PLSCR4: variants seen among roughly 807,000 people sequenced by gnomAD.
PLSCR4 encodes Ca(2+)-dependent phospholipid scramblase 4.
Under a neutral mutation model 36.3 loss-of-function variants are expected in PLSCR4, and 25 were observed. The observed-to-expected ratio is 0.69, with a 90% CI of 0.50 to 0.96. The LOEUF is 0.96. Ranked by LOEUF, PLSCR4 falls within the 40% of genes least tolerant of loss-of-function variation. The pLI is 0.00. For synonymous variants in PLSCR4, 122 were observed against 132.9 expected (o/e 0.92, Z 0.56); for missense variants, 408 against 414.7 (o/e 0.98, Z 0.14).
At chr3:146,204,661 C>T (rs1280047356) in intron 4 of PLSCR4, among the ~76,000 whole-genome samples, 2 of 151,692 alleles carry the variant, frequency 1.3e-5, no homozygotes, top group Non-Finnish European at 2.9e-5. Context: ...TTAAATTAAC[C>T]TCTGTCAGAA....
intron 1 of PLSCR4, among the ~76,000 whole-genome samples, chr3:146,242,197 T>G (rs2036176835): frequency 1.3e-5 from 2 of 152,236 alleles, no homozygotes; most frequent in Non-Finnish European, 2.9e-5. Flanking sequence ...CTGCCCATGT[T>G]GCTCGGTGGA....
intron 1 of PLSCR4, among the ~76,000 whole-genome samples, chr3:146,230,922 A>C (rs1231332319): frequency 6.6e-6 from 1 of 151,688 alleles, no homozygotes; most frequent in Non-Finnish European, 1.5e-5. Context: ...AACATGGCTA[A>C]ATTACGTGTC....
chr3:146,242,305 A>T (rs1055179808), intron 1 of PLSCR4, among the ~76,000 whole-genome samples: 4 of 152,156 alleles, frequency 2.6e-5, no homozygotes, highest in African/African-American at 9.7e-5. Flanking sequence ...TTTTCTTTTA[A>T]GAGTTTCACA....
At chr3:146,223,805 A>G (rs2035291951) in intron 1 of PLSCR4, 2 of 148,382 alleles carry the variant, frequency 1.3e-5, no homozygotes, top group South Asian at 4.2e-4. Flanking sequence ...AATATATTTT[A>G]AAACATATAT....
intron 4 of PLSCR4, among the ~76,000 whole-genome samples, chr3:146,204,406 G>A (rs2034209796): frequency 6.6e-6 from 1 of 151,918 alleles, no homozygotes; most frequent in Non-Finnish European, 1.5e-5. Flanking sequence ...TAGGCACATT[G>A]TGACCCTTAT....
chr3:146,241,556 A>G (rs2036150604), intron 1 of PLSCR4, among the ~76,000 whole-genome samples: 2 of 152,172 alleles, frequency 1.3e-5, no homozygotes, highest in Admixed American at 1.3e-4. Flanking sequence ...AAAAATAAAG[A>G]GAAATCCACA....
At position 146,194,067 on chromosome 3, in the gene PLSCR4, TA is replaced by T; in HGVS notation, c.*343del. 5.3e-6 allele frequency: 1 copy of T among 188,724 alleles called. No individual in the cohort carries two copies. The highest frequency in any genetic ancestry group is 1.1e-5 in the Non-Finnish European group (1 of 92,670). 11.7% of individuals were successfully genotyped at this position (188,724 alleles called of 1,614,324 possible). On this transcript the variant is annotated 3_prime_UTR_variant, in exon 9 of 9. Transcript: ENST00000354952. ...TATTTTATGCCAACAAAGTCTGCTCTAAAAAGCCTTATTGTTTCACTACCTA... is the reference window on the plus strand; with the variant it reads ...TATTTTATGCCAACAAAGTCTGCTCTAAAAGCCTTATTGTTTCACTACCTA...
chr3:146,199,154 T>G (rs1376570508), intron 6 of PLSCR4, among the ~76,000 whole-genome samples: 1 of 152,168 alleles, frequency 6.6e-6, no homozygotes, highest in Non-Finnish European at 1.5e-5. Context: ...ATAAGAACAC[T>G]AAGGCTCAAA....
chr3:146,245,895 A>G (rs1018731883), intron 1 of PLSCR4, among the ~76,000 whole-genome samples: 1 of 152,132 alleles, frequency 6.6e-6, no homozygotes, highest in African/African-American at 2.4e-5. Flanking sequence ...TCCTCTTTAT[A>G]GACTTTAAGC....
intron 4 of PLSCR4, among the ~76,000 whole-genome samples, chr3:146,203,420 C>T (rs910028390): frequency 6.6e-6 from 1 of 151,946 alleles, no homozygotes; most frequent in Non-Finnish European, 1.5e-5. Context: ...TCACGTCAGG[C>T]GTTGACTTCT....
intron 4 of PLSCR4, among the ~76,000 whole-genome samples, chr3:146,204,726 A>G (rs2034229448): frequency 6.6e-6 from 1 of 152,066 alleles, no homozygotes; most frequent in African/African-American, 2.4e-5. Context: ...AAAGCTATAC[A>G]ATTTGAAAAG....
chr3:146,207,723 A>G (rs541327280), intron 3 of PLSCR4, among the ~76,000 whole-genome samples: 31 of 152,224 alleles, frequency 2.0e-4, no homozygotes, highest in African/African-American at 6.3e-4. Flanking sequence ...CATTCAGCCC[A>G]CAGCACTTAT....
chr3:146,197,522 A>T (rs1242741851), intron 6 of PLSCR4, among the ~76,000 whole-genome samples: 2 of 152,182 alleles, frequency 1.3e-5, no homozygotes, highest in Non-Finnish European at 2.9e-5. Context: ...AGAAAACAAA[A>T]AAGAGGCATT....
chr3:146,219,120 T>C (rs1167693488), intron 3 of PLSCR4, among the ~76,000 whole-genome samples: 1 of 152,228 alleles, frequency 6.6e-6, no homozygotes, highest in Non-Finnish European at 1.5e-5. Flanking sequence ...TTTTGCTATA[T>C]TTTATAACTG....
chr3:146,230,306 G>A (rs1055428753), intron 1 of PLSCR4, among the ~76,000 whole-genome samples: 4 of 152,050 alleles, frequency 2.6e-5, no homozygotes, highest in Non-Finnish European at 5.9e-5. Context: ...AGAAATAAAA[G>A]TATAAAAATG....
intron 1 of PLSCR4, among the ~76,000 whole-genome samples, chr3:146,247,258 G>T (rs2107870268): frequency 6.6e-6 from 1 of 152,138 alleles, no homozygotes; most frequent in African/African-American, 2.4e-5. Flanking sequence ...CAGAACTGAT[G>T]GATCAAAGTT....
At chr3:146,194,972 T>G in intron 8 of PLSCR4, 152 bp downstream of exon 8, 1 of 598,526 alleles carries the variant, frequency 1.7e-6, no homozygotes, top group African/African-American at 1.8e-5. Flanking sequence ...AACTGAGGCT[T>G]TCAAGTGTAA....
intron 1 of PLSCR4, among the ~76,000 whole-genome samples, chr3:146,229,463 G>A (rs550085014): frequency 5.3e-5 from 8 of 151,974 alleles, no homozygotes; most frequent in East Asian, 1.9e-4. Context: ...ACACATCAAT[G>A]TGCTGGGAAT....
rs1354528924 is a variant in PLSCR4, at chr3:146,241,268, G to A, written c.-22+9692C>T. ...ATTGTGGTGATAGCTTCACAACTCT[G>A]AATATACTAAAAATCACTCAACTGT... On this transcript the variant is annotated intron_variant, in intron 1 of 8. Transcript: ENST00000354952. Among the ~76,000 whole-genome samples, 5 of 152,116 alleles carry A rather than the reference G, an allele frequency of 3.3e-5. No individual in the cohort carries two copies. In the South Asian group the frequency reaches 8.3e-4, roughly 25 times the overall value.
Sources: gnomAD v4.1 joint callset for allele counts (sites outside exome capture counted in the v4.1 genomes callset) on GRCh38, gnomAD v4.1.1 for gene constraint, MANE v1.5 for transcripts, NCBI Gene and HGNC (gene_info 2026-07-23, HGNC 2026-07-21) for gene names.